The following PXDNL variants were observed in gnomAD, a reference collection of about 807,000 sequenced individuals.
The protein encoded by PXDNL is peroxidasin like.
PXDNL carries 145 observed loss-of-function variants against 150.8 expected under a neutral mutation model. The observed-to-expected ratio is 0.96, with a 90% CI of 0.84 to 1.10. PXDNL has a LOEUF of 1.10. Ranked by LOEUF, PXDNL falls within the 50% of genes least tolerant of loss-of-function variation. The pLI is 0.00. For missense variants in PXDNL, 2,087 were observed against 1,873.9 expected, an observed-to-expected ratio of 1.11 and a Z score of -2.10; for synonymous variants, 757 against 725.7, an observed-to-expected ratio of 1.04 and a Z score of -0.69.
At chr8:51,427,219 G>C (rs528588891) in intron 12 of PXDNL, among the ~76,000 whole-genome samples, 1 of 152,200 alleles carries the variant, frequency 6.6e-6, no homozygotes, top group African/African-American at 2.4e-5. Context: ...AGATAGCTCT[G>C]TAACTATTAA....
At chr8:51,628,026 T>C (rs1362561791) in intron 2 of PXDNL, among the ~76,000 whole-genome samples, 5 of 152,044 alleles carry the variant, frequency 3.3e-5, no homozygotes, top group African/African-American at 1.2e-4. Flanking sequence ...AAGATTATAG[T>C]GTAGGCAAAT....
At chr8:51,604,745 A>G (rs998578470) in intron 2 of PXDNL, among the ~76,000 whole-genome samples, 4 of 152,206 alleles carry the variant, frequency 2.6e-5, no homozygotes, top group Non-Finnish European at 4.4e-5. Flanking sequence ...TAATTTCAAG[A>G]CTTTTTACCA....
intron 12 of PXDNL, chr8:51,436,145 T>C: frequency 1.9e-6 from 1 of 516,278 alleles, no homozygotes; most frequent in South Asian, 1.4e-5. Flanking sequence ...TATGCTTTGT[T>C]AAAAGAACTC....
chr8:51,551,722 C>G (rs919514149), intron 4 of PXDNL, among the ~76,000 whole-genome samples: 2 of 152,140 alleles, frequency 1.3e-5, no homozygotes, highest in African/African-American at 4.8e-5. Flanking sequence ...CATAAAAATT[C>G]TAGAAGATAA....
intron 1 of PXDNL, among the ~76,000 whole-genome samples, chr8:51,800,124 G>C (rs548325202): frequency 6.6e-6 from 1 of 152,096 alleles, no homozygotes; most frequent in Non-Finnish European, 1.5e-5. Context: ...GTTAAACACA[G>C]AGTGGTCCAC....
intron 17 of PXDNL, among the ~76,000 whole-genome samples, chr8:51,384,197 C>T (rs1807630357): frequency 6.6e-6 from 1 of 152,158 alleles, no homozygotes; most frequent in African/African-American, 2.4e-5. Flanking sequence ...TGTACTCTCA[C>T]ACAGAACAAA....
At position 51,571,446 on chromosome 8, in the gene PXDNL, C is replaced by T. The variant is rs79232396; in HGVS notation, c.309-14535G>A. ...TGACATGTTTCATTAAATATTTACACATCAACCTATGTATTTACACTGATG... is the reference window on the plus strand; with the variant it reads ...TGACATGTTTCATTAAATATTTACATATCAACCTATGTATTTACACTGATG... On this transcript the variant is annotated intron_variant, in intron 3 of 22. Transcript: ENST00000356297. Among the ~76,000 whole-genome samples the T allele has an allele frequency of 8.5e-3, 1,298 of 151,862 alleles. 18 individuals carry two copies. The highest frequency in any genetic ancestry group is 0.03 in the African/African-American group (1,233 of 41,490).
chr8:51,745,620 C>T (rs759418816), intron 1 of PXDNL, among the ~76,000 whole-genome samples: 20 of 152,150 alleles, frequency 1.3e-4, no homozygotes, highest in Non-Finnish European at 1.0e-4. Flanking sequence ...CAGGCCGTGA[C>T]GGTGGAACAT....
At chr8:51,720,191 T>TA (rs74313593) in intron 1 of PXDNL, among the ~76,000 whole-genome samples, 16,237 of 143,948 alleles carry the variant, frequency 0.11, 1,650 homozygotes, top group African/African-American at 0.28. Flanking sequence ...TATTCCCTCC[T>TA]AAAAAAAAAA....
intron 17 of PXDNL, among the ~76,000 whole-genome samples, chr8:51,384,648 A>G (rs1273415541): frequency 6.6e-6 from 1 of 152,172 alleles, no homozygotes; most frequent in Non-Finnish European, 1.5e-5. Context: ...AAAGTAAACA[A>G]ATGGGAAAAA....
intron 17 of PXDNL, among the ~76,000 whole-genome samples, chr8:51,381,790 C>G (rs1807556294): frequency 6.6e-6 from 1 of 151,322 alleles, no homozygotes; most frequent in African/African-American, 2.4e-5. Context: ...GTAGCTGGGA[C>G]TATAGGCACC....
intron 6 of PXDNL, among the ~76,000 whole-genome samples, chr8:51,482,648 T>C (rs1810629566): frequency 6.6e-6 from 1 of 152,152 alleles, no homozygotes; most frequent in Admixed American, 6.5e-5. Flanking sequence ...GTTTCCCCCA[T>C]ATTGTTCTCA....
chr8:51,676,950 A>G (rs1310271344), intron 1 of PXDNL, among the ~76,000 whole-genome samples: 1 of 152,184 alleles, frequency 6.6e-6, no homozygotes, highest in Non-Finnish European at 1.5e-5. Context: ...TCAGCTCCTG[A>G]AATGGGTCAA....
rs561296534 is a variant in PXDNL at position 51,594,875 on chromosome 8, G to C, written c.237-2177C>G. ...AAGAAAATGCATTCAAAATGTATGA[G>C]TGGGTCTGCTAAAATTCAGGGCGTA... On this transcript the variant is annotated intron_variant, in intron 2 of 22. Transcript: ENST00000356297. 3.9e-5 allele frequency among the ~76,000 whole-genome samples: 6 copies of C among 152,236 alleles called. No homozygotes were observed. The South Asian group carries it at 8.3e-4, about 21-fold the overall frequency.
At chr8:51,592,956 T>C (rs1813477287) in intron 2 of PXDNL, among the ~76,000 whole-genome samples, 1 of 152,160 alleles carries the variant, frequency 6.6e-6, no homozygotes, top group Non-Finnish European at 1.5e-5. Flanking sequence ...AACCCAGAGG[T>C]AAAATTCTTG....
intron 5 of PXDNL, among the ~76,000 whole-genome samples, chr8:51,493,930 C>T (rs190287253): frequency 6.9e-4 from 105 of 151,982 alleles, no homozygotes; most frequent in Middle Eastern, 3.4e-3. Flanking sequence ...ATACAGAGAA[C>T]GCCACAAAGA....
intron 17 of PXDNL, among the ~76,000 whole-genome samples, chr8:51,384,025 T>G (rs1156264003): frequency 1.3e-5 from 2 of 152,122 alleles, no homozygotes; most frequent in African/African-American, 4.8e-5. Flanking sequence ...TAAAAATCCT[T>G]CCCCAAAACA....
chr8:51,428,322 T>TA (rs57862042), intron 12 of PXDNL, among the ~76,000 whole-genome samples: 147,406 of 152,354 alleles, frequency 0.97, 71,527 homozygotes, highest in East Asian at 1. Flanking sequence ...CAATTCTCAT[T>TA]AAATCCCAGC....
At chr8:51,452,804 A>C (rs1455484770) in intron 10 of PXDNL, among the ~76,000 whole-genome samples, 3 of 152,188 alleles carry the variant, frequency 2.0e-5, no homozygotes, top group Non-Finnish European at 4.4e-5. Flanking sequence ...CTGATGAAAA[A>C]CTAGTTTAGA....
Sources: allele counts gnomAD v4.1 joint callset (sites outside exome capture counted in the v4.1 genomes callset), GRCh38; gene constraint gnomAD v4.1.1; transcripts MANE v1.5; gene names NCBI Gene and HGNC (gene_info 2026-07-23, HGNC 2026-07-21).